EMSY: variants seen among roughly 807,000 people sequenced by gnomAD.
EMSY encodes the protein EMSY transcriptional repressor, BRCA2 interacting, also known as BRCA2-interacting transcriptional repressor EMSY.
Under a neutral mutation model 134.6 loss-of-function variants are expected in EMSY, and 26 were observed. The ratio of observed to expected loss-of-function variants is 0.19; its 90% confidence interval spans 0.14 to 0.27. The LOEUF (loss-of-function observed/expected upper bound fraction) is 0.27. Ranked by LOEUF, EMSY falls within the 10% of genes least tolerant of loss-of-function variation. The pLI is 1.00. For synonymous variants in EMSY, 579 were observed against 577.8 expected (o/e 1.00, Z -0.03); for missense variants, 1,305 against 1,611.4 (o/e 0.81, Z 3.26).
intron 8 of EMSY, among the ~76,000 whole-genome samples, chr11:76,483,638 G>C (rs2135538280): frequency 6.6e-6 from 1 of 152,204 alleles, no homozygotes; most frequent in East Asian, 1.9e-4. Context: ...AACCAACAAA[G>C]ATCAAAGAAG....
intron 8 of EMSY, among the ~76,000 whole-genome samples, chr11:76,484,883 C>T (rs957192014): frequency 1.0e-4 from 15 of 150,586 alleles, no homozygotes; most frequent in South Asian, 2.1e-4. Flanking sequence ...GTGGAGATTG[C>T]GCCATTGCAC....
intron 8 of EMSY, among the ~76,000 whole-genome samples, chr11:76,476,268 T>G (rs1332606919): frequency 6.6e-6 from 1 of 152,244 alleles, no homozygotes; most frequent in Non-Finnish European, 1.5e-5. Flanking sequence ...TGTCTGTTTT[T>G]TCCCTTTAGT....
intron 4 of EMSY, among the ~76,000 whole-genome samples, 178 bp downstream of exon 5, chr11:76,454,968 G>A (rs1947811540): frequency 6.6e-6 from 1 of 151,918 alleles, no homozygotes; most frequent in Admixed American, 6.6e-5. Context: ...TTGCTGCTTG[G>A]GAGTACCTCT....
chr11:76,480,469 G>A (rs1274674137), intron 8 of EMSY, among the ~76,000 whole-genome samples: 1 of 152,212 alleles, frequency 6.6e-6, no homozygotes, highest in East Asian at 1.9e-4. Flanking sequence ...ATTTCTTGAT[G>A]ACTGTTCTCA....
chr11:76,510,748 G>C (rs1018526282), intron 9 of EMSY, among the ~76,000 whole-genome samples: 6 of 152,204 alleles, frequency 3.9e-5, no homozygotes, highest in Non-Finnish European at 8.8e-5. Context: ...CTGAGTGCAG[G>C]ATGATATAAT....
chr11:76,515,009 T>G (rs1327966913), intron 10 of EMSY, among the ~76,000 whole-genome samples: 1 of 152,028 alleles, frequency 6.6e-6, no homozygotes, highest in Non-Finnish European at 1.5e-5. Context: ...TTTTTCCAGA[T>G]GTAATTTGCC....
intron 20 of EMSY, among the ~76,000 whole-genome samples, chr11:76,548,520 T>C (rs1017313996): frequency 2.6e-5 from 4 of 152,196 alleles, no homozygotes; most frequent in Non-Finnish European, 4.4e-5. Context: ...CATAGACTTT[T>C]AGAACTGCAA....
chr11:76,499,275 C>CTTTTTTTT (rs777778051), intron 9 of EMSY, among the ~76,000 whole-genome samples: 1 of 70,006 alleles, frequency 1.4e-5, no homozygotes. Flanking sequence ...AATCTTATAA[C>CTTTTTTTT]TTTTTTTTTT....
chr11:76,529,512 A>C (rs1950958786), intron 14 of EMSY, among the ~76,000 whole-genome samples: 1 of 152,186 alleles, frequency 6.6e-6, no homozygotes, highest in African/African-American at 2.4e-5. Flanking sequence ...GCTAGACCCT[A>C]CAGAAGAGTA....
chr11:76,474,410 C>T (rs1461064876), intron 8 of EMSY, among the ~76,000 whole-genome samples: 1 of 152,104 alleles, frequency 6.6e-6, no homozygotes, highest in Non-Finnish European at 1.5e-5. Flanking sequence ...TAACTTAAGA[C>T]AGATTGGGGC....
At chr11:76,467,858 G>A (rs1948415494) in intron 7 of EMSY, among the ~76,000 whole-genome samples, 1 of 151,902 alleles carries the variant, frequency 6.6e-6, no homozygotes, top group Admixed American at 6.6e-5. Context: ...CGGGCGTGGT[G>A]GCACATGCTA....
chr11:76,542,193 A>G (rs1951463267), intron 17 of EMSY, 23 bp from the exon 19 acceptor site: 2 of 1,613,522 alleles, frequency 1.2e-6, no homozygotes, highest in African/African-American at 1.3e-5. Context: ...CTGGAGAAAT[A>G]TCATCACCTC....
intron 8 of EMSY, among the ~76,000 whole-genome samples, chr11:76,473,795 G>C (rs1948670500): frequency 6.6e-6 from 1 of 151,878 alleles, no homozygotes; most frequent in African/African-American, 2.4e-5. Flanking sequence ...TTCAAGACCA[G>C]CCTGGCCTGT....
intron 8 of EMSY, among the ~76,000 whole-genome samples, chr11:76,480,110 T>A (rs1213071439): frequency 1.3e-5 from 2 of 152,360 alleles, no homozygotes; most frequent in East Asian, 3.9e-4. Context: ...AACTATCTTA[T>A]GCCAGAACAA....
chr11:76,460,312 A>T, intron 6 of EMSY: 1 of 446,790 alleles, frequency 2.2e-6, no homozygotes, highest in Non-Finnish European at 4.0e-6. Flanking sequence ...TCTGTGGGTA[A>T]TCTGCCTTTG....
chr11:76,464,831 A>G (rs187591304), intron 7 of EMSY, among the ~76,000 whole-genome samples: 356 of 152,214 alleles, frequency 2.3e-3, no homozygotes, highest in South Asian at 5.6e-3. Flanking sequence ...TCTTTATTCT[A>G]CCTTCCCACT....
Position 76,453,359 on chromosome 11 carries a change from C to T in EMSY, c.216C>T (p.Asn72=), listed in dbSNP as rs370521713. Residue 72 remains asparagine, a synonymous_variant, in exon 4 of 21, where the codon AAC becomes AAT. Coordinates refer to ENST00000334736, the Ensembl canonical transcript of EMSY. ...GTGCTGAAGTTCGGAGAGCAGTAAA[C>T]GATGAACGGTTAACAACAATTGCAC... is the stretch of plus-strand genomic sequence containing the variant. 114 of 1,612,776 alleles carry T rather than the reference C, an allele frequency of 7.1e-5. No individual in the cohort carries two copies. In the African/African-American group the frequency reaches 1.3e-3, roughly 18 times the overall value.
At chr11:76,535,458 A>G (rs1951189120) in intron 14 of EMSY, among the ~76,000 whole-genome samples, 2 of 152,202 alleles carry the variant, frequency 1.3e-5, no homozygotes, top group African/African-American at 4.8e-5. Flanking sequence ...GGAGAAAATA[A>G]GACTCCTACA....
chr11:76,447,075 A>G lies in EMSY; in HGVS notation c.70+67A>G, dbSNP rs1947446907. 6 of 1,460,972 alleles carry G rather than the reference A, an allele frequency of 4.1e-6. No individual in the cohort carries two copies. In the Admixed American group the frequency reaches 1.0e-4, roughly 25 times the overall value. 90.5% of individuals were successfully genotyped at this position (1,460,972 alleles called of 1,614,324 possible). Reference sequence around the variant, plus strand: ...TTTTTTCCCTTTCTGCCTAGGTCATAGCTGTTTGCATGGATGTCATATCTC... The same window carrying G: ...TTTTTTCCCTTTCTGCCTAGGTCATGGCTGTTTGCATGGATGTCATATCTC... On this transcript the variant is annotated intron_variant, in intron 2 of 20. Coordinates refer to ENST00000334736, the Ensembl canonical transcript of EMSY.
Sources: gnomAD v4.1 joint callset for allele counts (sites outside exome capture counted in the v4.1 genomes callset) on GRCh38, gnomAD v4.1.1 for gene constraint, MANE v1.5 for transcripts, NCBI Gene and HGNC (gene_info 2026-07-23, HGNC 2026-07-21) for gene names.